FRMD6: variants seen among roughly 807,000 people sequenced by gnomAD.
FRMD6 encodes FERM domain containing 6.
A neutral mutation model predicts 73.2 loss-of-function variants in FRMD6; 37 were observed. The ratio of observed to expected loss-of-function variants is 0.51; its 90% CI spans 0.39 to 0.66. The LOEUF (loss-of-function observed/expected upper bound fraction) is 0.66, where lower values mean the gene tolerates loss of function less well. Ranked by LOEUF, FRMD6 falls within the 30% of genes least tolerant of loss-of-function variation. The pLI is 0.00. For synonymous variants in FRMD6, 273 were observed against 282.2 expected (o/e 0.97, Z 0.33); for missense variants, 714 against 780.5 (o/e 0.91, Z 1.02).
chr14:51,396,623 GAGGTGA>G, the FRMD6 span, among the ~76,000 whole-genome samples: 1 of 152,178 alleles, frequency 6.6e-6, no homozygotes, highest in African/African-American at 2.4e-5. Context: ...GACACGTCCA[GAGGTGA>G]AGGCAGTACT....
At chr14:51,523,163 T>C (rs888509408) in intron 1 of FRMD6, among the ~76,000 whole-genome samples, 1 of 152,240 alleles carries the variant, frequency 6.6e-6, no homozygotes, top group African/African-American at 2.4e-5. Context: ...GATGTATTTA[T>C]ACAAGCTGAC....
intron 2 of FRMD6, among the ~76,000 whole-genome samples, chr14:51,581,442 A>C (rs1014335856): frequency 2.6e-5 from 4 of 152,228 alleles, no homozygotes; most frequent in African/African-American, 9.6e-5. Flanking sequence ...ATCTCCAAGA[A>C]GTTTTATAAT....
intron 3 of FRMD6, among the ~76,000 whole-genome samples, chr14:51,700,796 A>C (rs1896261167): frequency 6.6e-6 from 1 of 151,966 alleles, no homozygotes; most frequent in Non-Finnish European, 1.5e-5. Flanking sequence ...CAGAAGTTGG[A>C]ATCTAAGATT....
At chr14:51,603,881 A>T (rs1890137775) in intron 2 of FRMD6, among the ~76,000 whole-genome samples, 1 of 152,112 alleles carries the variant, frequency 6.6e-6, no homozygotes, top group African/African-American at 2.4e-5. Context: ...AATTTTCAAC[A>T]TATTTTATGT....
At chr14:51,667,781 T>C (rs1167729873) in intron 1 of FRMD6, among the ~76,000 whole-genome samples, 1 of 152,226 alleles carries the variant, frequency 6.6e-6, no homozygotes, top group Non-Finnish European at 1.5e-5. Context: ...TGTTATCTCA[T>C]CTAGAATTTA....
intron 2 of FRMD6, among the ~76,000 whole-genome samples, chr14:51,572,113 T>C (rs1888165835): frequency 6.6e-6 from 1 of 152,240 alleles, no homozygotes; most frequent in South Asian, 2.1e-4. Context: ...ATTAGGGACG[T>C]GATAAAATAT....
At chr14:51,698,577 G>A (rs1169117322) in intron 3 of FRMD6, among the ~76,000 whole-genome samples, 1 of 152,000 alleles carries the variant, frequency 6.6e-6, no homozygotes, top group Non-Finnish European at 1.5e-5. Context: ...GAATACTTAG[G>A]AAAGTAATTT....
Position 51,708,259 on chromosome 14 carries a change from G to C in FRMD6, c.714+26G>C, listed in dbSNP as rs1265603236. 22 of 1,602,040 alleles carry C rather than the reference G, an allele frequency of 1.4e-5. No individual in the cohort carries two copies. In the East Asian group the frequency reaches 4.9e-4, roughly 36 times the overall value. ...GTATGAAACGGCAACTAAGTCTTCAGCTTCTGAGAAAAAAACATCTTCTCA... is the reference window on the plus strand; with the variant it reads ...GTATGAAACGGCAACTAAGTCTTCACCTTCTGAGAAAAAAACATCTTCTCA... On this transcript the variant is annotated intron_variant, in intron 7 of 13. Coordinates refer to ENST00000344768, the MANE Select transcript of FRMD6 (RefSeq NM_001267046.2).
chr14:51,567,867 T>A (rs1337745499), intron 1 of FRMD6, among the ~76,000 whole-genome samples: 1 of 152,246 alleles, frequency 6.6e-6, no homozygotes, highest in African/African-American at 2.4e-5. Flanking sequence ...ATACTTCTTT[T>A]ATAGCTATCT....
rs1238622874 is a variant in FRMD6, at chr14:51,525,078, G to GATAA, written c.-210+35661_-210+35662insAATA. Among the ~76,000 whole-genome samples the GATAA allele has an allele frequency of 6.4e-5, 5 of 78,172 alleles. No homozygotes were observed. The East Asian group carries it at 2.0e-3, about 31-fold the overall frequency. The allele number at this position is 78,172 out of a possible 152,430, so 51.3% of individuals were successfully genotyped here. On this transcript the variant is annotated intron_variant, in intron 1 of 14. Transcript: ENST00000356218. The stretch of plus-strand genomic sequence containing the variant: ...GAGAGACAGACAAATAGAATAGATA[G>GATAA]ATAGATAGATAGATAGATAGATAGA...
intron 2 of FRMD6, among the ~76,000 whole-genome samples, chr14:51,575,349 G>A (rs1345319170): frequency 6.6e-6 from 1 of 152,214 alleles, no homozygotes; most frequent in Non-Finnish European, 1.5e-5. Flanking sequence ...AAGATGGGCT[G>A]TGAATATAAA....
chr14:51,679,388 A>G (rs979895737), intron 1 of FRMD6, among the ~76,000 whole-genome samples: 3 of 150,602 alleles, frequency 2.0e-5, no homozygotes, highest in African/African-American at 7.3e-5. Flanking sequence ...CATATATATA[A>G]TGCATATGTA....
chr14:51,568,399 A>G (rs2139567904), intron 1 of FRMD6, among the ~76,000 whole-genome samples: 1 of 152,392 alleles, frequency 6.6e-6, no homozygotes, highest in Admixed American at 6.5e-5. Context: ...ATCCAGAAAC[A>G]GGTGTAATGG....
intron 2 of FRMD6, among the ~76,000 whole-genome samples, chr14:51,616,255 C>T (rs962110389): frequency 5.9e-5 from 9 of 152,156 alleles, no homozygotes; most frequent in East Asian, 1.9e-4. Context: ...GTACACTTAC[C>T]GGGGTTATCT....
At position 51,711,615 on chromosome 14, in the gene FRMD6, T is replaced by C. The variant is rs765904162; in HGVS notation, c.780+19T>C. 2.6e-6 allele frequency: 4 copies of C among 1,516,108 alleles called. No individual in the cohort carries two copies. The African/African-American group carries it at 5.5e-5, about 21-fold the overall frequency. The allele number at this position is 1,516,108 out of a possible 1,614,324, so 93.9% of individuals were successfully genotyped here. ...TTTTCAGGTTGGTAAATGAGAATTG[T>C]GTCAAATGCTGTCAGCCATGTCTTC... On this transcript the variant is annotated intron_variant, in intron 8 of 13. Transcript: ENST00000344768.
intron 2 of FRMD6, among the ~76,000 whole-genome samples, chr14:51,622,607 A>G (rs1890965863): frequency 6.6e-6 from 1 of 152,144 alleles, no homozygotes; most frequent in African/African-American, 2.4e-5. Context: ...CTTCACTCGG[A>G]GTCAATCCCT....
chr14:51,426,387 C>T, the FRMD6 span, among the ~76,000 whole-genome samples: 3 of 152,216 alleles, frequency 2.0e-5, no homozygotes, highest in African/African-American at 7.2e-5. Flanking sequence ...CCCCACTCCC[C>T]ACTAGAATTA....
chr14:51,639,448 AATT>A (rs1181554770), intron 2 of FRMD6, among the ~76,000 whole-genome samples: 1 of 150,124 alleles, frequency 6.7e-6, no homozygotes, highest in Non-Finnish European at 1.5e-5. Context: ...AAAAAAAAAT[AATT>A]ATTATTATTA....
chr14:51,427,312 A>G, the FRMD6 span, among the ~76,000 whole-genome samples: 2 of 152,224 alleles, frequency 1.3e-5, no homozygotes, highest in African/African-American at 4.8e-5. Context: ...GGAGCAATAC[A>G]TTATTTATTT....
Sources: allele counts gnomAD v4.1 joint callset (sites outside exome capture counted in the v4.1 genomes callset), GRCh38; gene constraint gnomAD v4.1.1; transcripts MANE v1.5; gene names NCBI Gene and HGNC (gene_info 2026-07-23, HGNC 2026-07-21).